JAKMIP3: variants seen among roughly 807,000 people sequenced by gnomAD.
JAKMIP3 encodes the protein janus kinase and microtubule-interacting protein 3.
In JAKMIP3, 58 loss-of-function variants were observed where a neutral mutation model predicts 118.5. That is an observed-to-expected ratio of 0.49 (90% CI 0.40 to 0.61). The LOEUF (loss-of-function observed/expected upper bound fraction) is 0.61. JAKMIP3 is among the 20% of genes least tolerant of loss of function. The pLI is 0.00. For missense variants in JAKMIP3, 950 were observed against 1,109.0 expected, an observed-to-expected ratio of 0.86 and a Z score of 2.04; for synonymous variants, 486 against 451.2, an observed-to-expected ratio of 1.08 and a Z score of -0.98.
chr10:132,133,450 C>A lies in JAKMIP3; in HGVS notation c.772C>A (p.Arg258=), dbSNP rs779992728. 6.3e-7 allele frequency: 1 copy of A among 1,587,526 alleles called. No homozygotes were observed. The highest frequency in any genetic ancestry group is 8.6e-7 in the Non-Finnish European group (1 of 1,167,608). The change falls in exon 4 of 24, where the codon CGG becomes AGG. Residue 258 remains arginine (R), a synonymous_variant. Coordinates refer to ENST00000684848, the MANE Select transcript of JAKMIP3 (RefSeq NM_001323087.2). ...GCTGTCCCAGGTCCGAGAGGCCGAC[C>A]GGCACCCGGGCAGCCCCAGACGGGA... ...EQLSQVREAD[R]HPGSPRRELP...
In JAKMIP3 at chr10:132,050,398, G is replaced by A. The variant is rs562297897; in HGVS notation, c.-138+13660G>A. 1.8e-3 allele frequency among the ~76,000 whole-genome samples: 267 copies of A among 152,262 alleles called. 1 individual carries two copies. Among genetic ancestry groups the A allele is most frequent in the African/African-American group, 6.0e-3 (249 of 41,542 alleles). The stretch of plus-strand genomic sequence containing the variant: ...GGTGGTGTCCAATGGACCCTTCATC[G>A]CTCAGCTTGGGTCCCTGTGGTTTCT... On this transcript the variant is annotated intron_variant, in intron 1 of 23. Coordinates refer to the JAKMIP3 transcript ENST00000657785.
At chr10:132,082,903 C>T (rs568330916) in intron 1 of JAKMIP3, among the ~76,000 whole-genome samples, 127 of 152,354 alleles carry the variant, frequency 8.3e-4, no homozygotes, top group Admixed American at 5.8e-3. Flanking sequence ...CCACCGCGCC[C>T]GGCCTATACC....
At chr10:132,169,093 C>T (rs182868572) in intron 23 of JAKMIP3, 60 bp downstream of exon 23, 52 of 152,836 alleles carry the variant, frequency 3.4e-4, no homozygotes, top group Admixed American at 7.2e-4. Context: ...AGGTGAGCTC[C>T]AGCTTCTTCA....
chr10:132,118,377 G>T lies in JAKMIP3; in HGVS notation c.633+803G>T, dbSNP rs193002129. ...GGAGAGGAGACTGTCCTGTGATTTTGGGGGAAATGGAGCTCTGTCTTAGAG... is the reference window on the plus strand; with the variant it reads ...GGAGAGGAGACTGTCCTGTGATTTTTGGGGAAATGGAGCTCTGTCTTAGAG... On this transcript the variant is annotated intron_variant, in intron 3 of 23. Coordinates refer to ENST00000684848, the MANE Select transcript of JAKMIP3 (RefSeq NM_001323087.2). This position sits in a 1 kb window ranked among gnomAD's most constrained non-coding sequence, Gnocchi z 4.8. Among the ~76,000 whole-genome samples, 473 of 152,326 alleles carry T rather than the reference G, an allele frequency of 3.1e-3. 2 individuals are homozygous for T. The highest frequency in any genetic ancestry group is 0.011 in the African/African-American group (445 of 41,582).
intron 1 of JAKMIP3, among the ~76,000 whole-genome samples, chr10:132,037,269 C>A (rs1256196227): frequency 1.3e-5 from 2 of 152,140 alleles, no homozygotes; most frequent in Admixed American, 6.5e-5. Context: ...GTACCCGCGA[C>A]CTTGCCTCTC....
At position 132,107,766 on chromosome 10, in the gene JAKMIP3, G is replaced by A. The variant is rs1014649646; in HGVS notation, c.135+2823G>A. Among the ~76,000 whole-genome samples, 4 of 152,350 alleles carry A rather than the reference G, an allele frequency of 2.6e-5. No individual in the cohort carries two copies. The South Asian group carries it at 8.3e-4, about 32-fold the overall frequency. On this transcript the variant is annotated intron_variant, in intron 2 of 23. Transcript: ENST00000684848. Reference sequence around the variant, plus strand: ...CATGTTATTCACATGCCCCACCGTGGTGGGCCTGTCGACGGCATCCAGGCT... The same window carrying A: ...CATGTTATTCACATGCCCCACCGTGATGGGCCTGTCGACGGCATCCAGGCT...
intron 2 of JAKMIP3, among the ~76,000 whole-genome samples, chr10:132,109,129 C>T (rs1435816163): frequency 7.1e-6 from 1 of 141,844 alleles, no homozygotes; most frequent in Non-Finnish European, 1.5e-5. Context: ...TATATACACA[C>T]ACACATATAT....
chr10:132,096,828 G>A (rs1239230556), intron 1 of JAKMIP3, among the ~76,000 whole-genome samples: 1 of 152,196 alleles, frequency 6.6e-6, no homozygotes, highest in East Asian at 1.9e-4. Context: ...TGACGCCATG[G>A]CAGGGTCCCT....
chr10:132,169,799 C>G (rs112558355), intron 23 of JAKMIP3: 4,127 of 152,436 alleles, frequency 0.027, 210 homozygotes, highest in African/African-American at 0.095. Context: ...GGAGGAGGTG[C>G]GACCACCACC....
chr10:132,067,458 A>T (rs1412269023), intron 1 of JAKMIP3, among the ~76,000 whole-genome samples: 3 of 152,142 alleles, frequency 2.0e-5, no homozygotes, highest in Non-Finnish European at 2.9e-5. Flanking sequence ...CAATATCCAA[A>T]CGACCAGGTG....
In JAKMIP3 at chr10:132,049,422, C is replaced by T. The variant is rs1355902630; in HGVS notation, c.-138+12684C>T. ...TCTCCCCTTGCCTATTCTTCAACTG[C>T]CTCTTATTAAATTGTCGTTTGTGTT... On this transcript the variant is annotated intron_variant, in intron 1 of 23. Transcript: ENST00000657785. This position sits in a 1 kb window ranked among gnomAD's most constrained non-coding sequence, Gnocchi z 4.3. Among the ~76,000 whole-genome samples the T allele has an allele frequency of 6.6e-6, 1 of 152,072 alleles. No homozygotes were observed. Among genetic ancestry groups the T allele is most frequent in the Non-Finnish European group, 1.5e-5 (1 of 68,022 alleles).
intron 11 of JAKMIP3, chr10:132,144,090 G>A (rs1056724651): frequency 6.6e-6 from 1 of 151,010 alleles, no homozygotes; most frequent in South Asian, 2.1e-4. Flanking sequence ...GTCCTGTCCC[G>A]AAACGCACCT....
At position 132,183,002 on chromosome 10, in the gene JAKMIP3, G is replaced by A. The variant is rs2061610854; in HGVS notation, c.*1749G>A. The A allele has an allele frequency of 6.6e-6, 1 of 152,196 alleles. No individual in the cohort carries two copies. Among genetic ancestry groups the A allele is most frequent in the African/African-American group, 2.4e-5 (1 of 41,446 alleles). 9.4% of individuals were successfully genotyped at this position (152,196 alleles called of 1,614,324 possible). A position where few individuals can be genotyped will look rare whatever the true frequency, so the allele number is the denominator to read the frequency against. ...TTCCTGATTTACTCGGCAAGATACTGGGCCAGTTCAGTGTCTCTAGCTGAG... is the reference window on the plus strand; with the variant it reads ...TTCCTGATTTACTCGGCAAGATACTAGGCCAGTTCAGTGTCTCTAGCTGAG... On this transcript the variant is annotated 3_prime_UTR_variant, in exon 24 of 24. Coordinates refer to ENST00000684848, the MANE Select transcript of JAKMIP3 (RefSeq NM_001323087.2).
chr10:132,120,469 A>T (rs1406063408), intron 3 of JAKMIP3, among the ~76,000 whole-genome samples: 1 of 152,202 alleles, frequency 6.6e-6, no homozygotes, highest in African/African-American at 2.4e-5. Flanking sequence ...CATCAGGGAC[A>T]CAGCTCCCAT....
At chr10:132,085,278 CT>C (rs1182856080) in intron 1 of JAKMIP3, among the ~76,000 whole-genome samples, 1 of 152,150 alleles carries the variant, frequency 6.6e-6, no homozygotes, top group African/African-American at 2.4e-5. Context: ...GTATCTGGTT[CT>C]TCCTGATTTA....
At chr10:132,100,169 C>T (rs544246936) in intron 1 of JAKMIP3, among the ~76,000 whole-genome samples, 1 of 152,298 alleles carries the variant, frequency 6.6e-6, no homozygotes, top group Admixed American at 6.5e-5. Context: ...CACAGGCCCC[C>T]ACACGGACCC....
chr10:132,096,262 C>T (rs1270152349), intron 1 of JAKMIP3, among the ~76,000 whole-genome samples: 1 of 152,220 alleles, frequency 6.6e-6, no homozygotes, highest in Non-Finnish European at 1.5e-5. Context: ...ATAACATGCT[C>T]AGTGGTTTAT....
At position 132,180,750 on chromosome 10, in the gene JAKMIP3, C is replaced by CGT. The variant is rs1485012631; in HGVS notation, c.*1104-1606_*1104-1605insTG. On this transcript the variant is annotated intron_variant, in intron 23 of 23. Transcript: ENST00000684848. ...GTGTGCGTGTGTGCGTGCGTGCGCG[C>CGT]GCGTGTGTGCGTGTGTGTGCGTGTG... Among the ~76,000 whole-genome samples, 4 of 12,700 alleles carry CGT rather than the reference C, an allele frequency of 3.1e-4. 1 individual carries two copies. Among genetic ancestry groups the CGT allele is most frequent in the Non-Finnish European group, 4.8e-4 (4 of 8,414 alleles). 8.3% of individuals were successfully genotyped at this position (12,700 alleles called of 152,430 possible). A position where few individuals can be genotyped will look rare whatever the true frequency, so the allele number is the denominator to read the frequency against.
intron 8 of JAKMIP3, among the ~76,000 whole-genome samples, chr10:132,137,538 G>A (rs1177500446): frequency 2.0e-5 from 3 of 152,182 alleles, no homozygotes; most frequent in Non-Finnish European, 4.4e-5. Context: ...AGCTTGGGAC[G>A]ATCATGTTTC....
Sources: gnomAD v4.1 joint callset for allele counts (sites outside exome capture counted in the v4.1 genomes callset) on GRCh38, gnomAD v4.1.1 for gene constraint, Gnocchi (gnomAD v3.1) non-coding constraint, MANE v1.5 for transcripts, NCBI Gene and HGNC (gene_info 2026-07-23, HGNC 2026-07-21) for gene names.